The following IGF2BP2 variants were observed in gnomAD, a reference collection of about 807,000 sequenced individuals.
IGF2BP2 encodes the protein insulin-like growth factor 2 mRNA-binding protein 2.
In IGF2BP2, 17 loss-of-function variants were observed where a neutral mutation model predicts 75.8. That is an observed-to-expected ratio of 0.22 (90% CI 0.15 to 0.34). IGF2BP2 has a LOEUF of 0.34. IGF2BP2 is among the 10% of genes least tolerant of loss of function. IGF2BP2 has a pLI of 1.00. For synonymous variants in IGF2BP2, 288 were observed against 295.6 expected, an observed-to-expected ratio of 0.97 and a Z score of 0.26; for missense variants, 516 against 772.4, an observed-to-expected ratio of 0.67 and a Z score of 3.93.
rs539717595 is a variant in IGF2BP2, at chr3:185,695,715, A to T, written c.340+897T>A. ...AAAAGAGGTTGGCAGGAAGAAAAGT[A>T]TCTTCTGGGCATTTGCAGCACTGCT... On this transcript the variant is annotated intron_variant, in intron 4 of 15. Coordinates refer to ENST00000382199, the MANE Select transcript of IGF2BP2 (RefSeq NM_006548.6). Among the ~76,000 whole-genome samples, 8 of 152,336 alleles carry T rather than the reference A, an allele frequency of 5.3e-5. No homozygotes were observed. The East Asian group carries it at 1.5e-3, about 29-fold the overall frequency.
chr3:185,749,694 C>G (rs1730709801), intron 2 of IGF2BP2, among the ~76,000 whole-genome samples: 2 of 152,142 alleles, frequency 1.3e-5, no homozygotes, highest in East Asian at 1.9e-4. Flanking sequence ...TGTTTTACTA[C>G]CCAGTGTAAA....
At chr3:185,772,351 A>G (rs1733990433) in intron 2 of IGF2BP2, among the ~76,000 whole-genome samples, 1 of 152,188 alleles carries the variant, frequency 6.6e-6, no homozygotes, top group African/African-American at 2.4e-5. Context: ...GGCTCTGTAG[A>G]GCTTGGTCTT....
intron 4 of IGF2BP2, among the ~76,000 whole-genome samples, chr3:185,694,226 C>T (rs532582202): frequency 6.2e-4 from 95 of 152,300 alleles, no homozygotes; most frequent in African/African-American, 2.2e-3. Context: ...AGGTGTAGCA[C>T]ATTACTGTCC....
intron 2 of IGF2BP2, among the ~76,000 whole-genome samples, chr3:185,766,159 G>C (rs1487537174): frequency 6.6e-6 from 1 of 151,906 alleles, no homozygotes; most frequent in Non-Finnish European, 1.5e-5. Context: ...CGGCCACTAA[G>C]CATATTTAAT....
intron 10 of IGF2BP2, among the ~76,000 whole-genome samples, chr3:185,661,032 G>C (rs528600494): frequency 6.6e-6 from 1 of 152,208 alleles, no homozygotes; most frequent in Non-Finnish European, 1.5e-5. Flanking sequence ...GGGTAAGAAA[G>C]AGATTTTTAA....
At chr3:185,698,458 C>G in intron 2 of IGF2BP2, 111 bp from the exon 3 acceptor site, 1 of 947,334 alleles carries the variant, frequency 1.1e-6, no homozygotes, top group Non-Finnish European at 1.6e-6. Flanking sequence ...ACTGTGTTCA[C>G]CATGGCATCA....
chr3:185,804,389 G>A (rs923743934), intron 2 of IGF2BP2, among the ~76,000 whole-genome samples: 14 of 151,574 alleles, frequency 9.2e-5, no homozygotes, highest in Admixed American at 4.6e-4. Flanking sequence ...CTGAGATCGC[G>A]CCACTGCACT....
intron 9 of IGF2BP2, among the ~76,000 whole-genome samples, chr3:185,674,291 T>C (rs1329964092): frequency 6.6e-6 from 1 of 152,264 alleles, no homozygotes; most frequent in African/African-American, 2.4e-5. Flanking sequence ...AGGTGGTGAG[T>C]TGATAACTGC....
chr3:185,698,832 T>C (rs958453715), intron 2 of IGF2BP2, among the ~76,000 whole-genome samples: 4 of 151,830 alleles, frequency 2.6e-5, no homozygotes, highest in African/African-American at 9.7e-5. Context: ...GTTTGTTTTT[T>C]AAGAAGGGGT....
chr3:185,801,382 A>G (rs1166233825), intron 2 of IGF2BP2, among the ~76,000 whole-genome samples: 1 of 151,052 alleles, frequency 6.6e-6, no homozygotes, highest in Non-Finnish European at 1.5e-5. Flanking sequence ...CCAGCTACTC[A>G]GGAGGCTGAG....
chr3:185,774,603 A>G (rs1734302126), intron 2 of IGF2BP2, among the ~76,000 whole-genome samples: 1 of 151,074 alleles, frequency 6.6e-6, no homozygotes, highest in Non-Finnish European at 1.5e-5. Context: ...TCAAAAAAAA[A>G]AAAAGAAAAG....
chr3:185,683,639 C>CT, intron 7 of IGF2BP2, among the ~76,000 whole-genome samples: 1 of 152,094 alleles, frequency 6.6e-6, no homozygotes, highest in Non-Finnish European at 1.5e-5. Flanking sequence ...AAACTCCTGA[C>CT]TCAAGTGATC....
intron 12 of IGF2BP2, among the ~76,000 whole-genome samples, chr3:185,653,386 C>T (rs964359248): frequency 3.3e-5 from 5 of 151,978 alleles, no homozygotes; most frequent in Non-Finnish European, 7.4e-5. Context: ...TTTGGGAGAC[C>T]GAGATGGACA....
intron 2 of IGF2BP2, among the ~76,000 whole-genome samples, chr3:185,766,715 A>T (rs1183381873): frequency 6.6e-6 from 1 of 152,218 alleles, no homozygotes; most frequent in Non-Finnish European, 1.5e-5. Flanking sequence ...TACTGATTTC[A>T]TTTAATACTT....
At chr3:185,665,416 GAGAAGGAGA>G (rs1717288842) in intron 10 of IGF2BP2, among the ~76,000 whole-genome samples, 5 of 117,480 alleles carry the variant, frequency 4.3e-5, no homozygotes, top group East Asian at 2.6e-4. Context: ...GGAAAAGGAG[GAGAAGGAGA>G]AGGAGGAGGA....
intron 12 of IGF2BP2, among the ~76,000 whole-genome samples, chr3:185,652,658 T>C (rs1381823835): frequency 1.3e-5 from 2 of 152,142 alleles, no homozygotes; most frequent in Non-Finnish European, 2.9e-5. Context: ...ACAATTGAGT[T>C]AGAGTATGTG....
At chr3:185,677,068 T>TATATATATATTATATAGAGAG in intron 7 of IGF2BP2, among the ~76,000 whole-genome samples, 1 of 35,876 alleles carries the variant, frequency 2.8e-5, no homozygotes, top group African/African-American at 1.6e-4. Context: ...TATATATATA[T>TATATATATATTATATAGAGAG]AGAGAGAGAG....
At chr3:185,744,313 G>A (rs1384580252) in intron 2 of IGF2BP2, among the ~76,000 whole-genome samples, 1 of 152,118 alleles carries the variant, frequency 6.6e-6, no homozygotes, top group Non-Finnish European at 1.5e-5. Flanking sequence ...GTAGCTACAT[G>A]GGTATTCACT....
chr3:185,793,049 A>G (rs1736862901), intron 2 of IGF2BP2, among the ~76,000 whole-genome samples: 1 of 152,150 alleles, frequency 6.6e-6, no homozygotes, highest in Admixed American at 6.5e-5. Flanking sequence ...CAAACTATTC[A>G]GATCTCAGCA....
Sources: gnomAD v4.1 joint callset for allele counts (sites outside exome capture counted in the v4.1 genomes callset) on GRCh38, gnomAD v4.1.1 for gene constraint, MANE v1.5 for transcripts, NCBI Gene and HGNC (gene_info 2026-07-23, HGNC 2026-07-21) for gene names.